The following BANK1 variants were observed in gnomAD, a reference collection of about 807,000 sequenced individuals.
BANK1 encodes the protein B-cell scaffold protein with ankyrin repeats.
A neutral mutation model predicts 94.5 loss-of-function variants in BANK1; 95 were observed. That is an observed-to-expected ratio of 1.00 (90% CI 0.85 to 1.19). The LOEUF is 1.19. BANK1 is among the 50% of genes most tolerant of loss of function. The pLI, the probability that BANK1 is intolerant of heterozygous loss-of-function variation, is 0.00. For missense variants in BANK1, 987 were observed against 932.2 expected (o/e 1.06, Z -0.77); for synonymous variants, 334 against 308.4 (o/e 1.08, Z -0.87).
Position 101,852,470 on chromosome 4 carries a change from CTATATATATATATATA to C in BANK1, c.470-2546_470-2531del, listed in dbSNP as rs541955636. ...GAAAGAACCACTCAATATTTTTCGG[CTATATATATATATATA>C]TATATATATATATATATACACACAC... On this transcript the variant is annotated intron_variant, in intron 2 of 16. Coordinates refer to ENST00000322953, the MANE Select transcript of BANK1 (RefSeq NM_017935.5). Among the ~76,000 whole-genome samples the C allele has an allele frequency of 1.3e-4, 14 of 103,768 alleles. No homozygotes were observed. In the South Asian group the frequency reaches 1.4e-3, roughly 10 times the overall value. 68.1% of individuals were successfully genotyped at this position (103,768 alleles called of 152,430 possible).
rs774397564 is a variant in BANK1 at position 101,808,082 on chromosome 4, C to CA, written c.70+17146dup. 4.9e-3 allele frequency among the ~76,000 whole-genome samples: 364 copies of CA among 74,706 alleles called. 3 individuals are homozygous for CA. The highest frequency in any genetic ancestry group is 0.015 in the Middle Eastern group (2 of 134). The allele number at this position is 74,706 out of a possible 152,430, so 49.0% of individuals were successfully genotyped here. On this transcript the variant is annotated intron_variant, in intron 1 of 16. Transcript: ENST00000322953. ...AGCCGGGGTGACAGAGCAAGACTCTCAAAAAAAAAAAAAAGAAATGAAATT... is the reference window on the plus strand; with the variant it reads ...AGCCGGGGTGACAGAGCAAGACTCTCAAAAAAAAAAAAAAAGAAATGAAATT...
chr4:101,859,124 C>A (rs1560604912), intron 3 of BANK1, among the ~76,000 whole-genome samples: 1 of 152,188 alleles, frequency 6.6e-6, no homozygotes, highest in Non-Finnish European at 1.5e-5. Flanking sequence ...TCCTTGGTAA[C>A]CAACCTTAAC....
chr4:101,798,011 A>C (rs1725217745), intron 1 of BANK1, among the ~76,000 whole-genome samples: 1 of 152,192 alleles, frequency 6.6e-6, no homozygotes, highest in Non-Finnish European at 1.5e-5. Flanking sequence ...GGCTAAAAAG[A>C]AGGAAAACGA....
chr4:101,813,415 G>A (rs1420019543), intron 1 of BANK1, among the ~76,000 whole-genome samples: 2 of 152,068 alleles, frequency 1.3e-5, no homozygotes, highest in East Asian at 1.9e-4. Flanking sequence ...AATTGTGACT[G>A]TAATCATCTA....
At chr4:101,948,127 G>GT (rs1440551753) in intron 7 of BANK1, among the ~76,000 whole-genome samples, 2 of 152,008 alleles carry the variant, frequency 1.3e-5, no homozygotes, top group Non-Finnish European at 2.9e-5. Flanking sequence ...AGTGTACTTG[G>GT]TTTTTAAGAA....
intron 7 of BANK1, among the ~76,000 whole-genome samples, chr4:101,933,299 C>A (rs147289205): frequency 1.4e-4 from 19 of 131,666 alleles, no homozygotes; most frequent in Middle Eastern, 3.8e-3. Flanking sequence ...CCAGAGAGAC[C>A]GGTAAGAAAG....
At chr4:101,929,041 C>T (rs892136058) in intron 7 of BANK1, among the ~76,000 whole-genome samples, 1 of 151,690 alleles carries the variant, frequency 6.6e-6, no homozygotes, top group Non-Finnish European at 1.5e-5. Context: ...ACTTTATGGT[C>T]TCACTTCTTG....
intron 6 of BANK1, among the ~76,000 whole-genome samples, chr4:101,908,649 T>C (rs541146181): frequency 6.6e-6 from 1 of 152,210 alleles, no homozygotes; most frequent in South Asian, 2.1e-4. Flanking sequence ...ATTTTTGCAA[T>C]CTACTCATCT....
intron 6 of BANK1, among the ~76,000 whole-genome samples, chr4:101,902,021 A>G (rs926656017): frequency 1.1e-4 from 16 of 152,090 alleles, no homozygotes; most frequent in Non-Finnish European, 1.5e-5. Context: ...CGGCCTCCCA[A>G]AGTTCTGGGA....
At chr4:101,829,264 T>C (rs1691398306) in intron 1 of BANK1, among the ~76,000 whole-genome samples, 1 of 152,174 alleles carries the variant, frequency 6.6e-6, no homozygotes, top group Admixed American at 6.5e-5. Context: ...TTAAAAATTA[T>C]TAAAAATTAC....
At chr4:101,862,330 A>C (rs1727909451) in intron 3 of BANK1, among the ~76,000 whole-genome samples, 196 bp from the exon 4 acceptor site, 1 of 152,156 alleles carries the variant, frequency 6.6e-6, no homozygotes, top group African/African-American at 2.4e-5. Context: ...TACAATAAAA[A>C]GAAATTTGAT....
At chr4:101,951,074 A>G (rs1724131519) in intron 7 of BANK1, among the ~76,000 whole-genome samples, 1 of 152,118 alleles carries the variant, frequency 6.6e-6, no homozygotes, top group South Asian at 2.1e-4. Flanking sequence ...TTAGGTAAAA[A>G]CTAAGGAAAT....
chr4:101,900,131 A>T (rs1041229932), intron 6 of BANK1, among the ~76,000 whole-genome samples: 1 of 152,222 alleles, frequency 6.6e-6, no homozygotes, highest in African/African-American at 2.4e-5. Flanking sequence ...GTGAAAGATT[A>T]TTAAGCAATC....
intron 1 of BANK1, among the ~76,000 whole-genome samples, chr4:101,813,589 G>A (rs929707437): frequency 3.3e-5 from 5 of 152,146 alleles, no homozygotes; most frequent in Non-Finnish European, 7.3e-5. Flanking sequence ...GGTTCTGATG[G>A]GTGTGCGTCC....
chr4:101,794,968 T>A (rs1725104732), intron 1 of BANK1, among the ~76,000 whole-genome samples: 1 of 152,150 alleles, frequency 6.6e-6, no homozygotes, highest in Non-Finnish European at 1.5e-5. Context: ...TTAATTCCCA[T>A]TGCCTTGTTT....
At chr4:101,869,411 T>C (rs1728197758) in intron 4 of BANK1, among the ~76,000 whole-genome samples, 1 of 151,886 alleles carries the variant, frequency 6.6e-6, no homozygotes, top group Non-Finnish European at 1.5e-5. Context: ...GATGGATACT[T>C]CTTTGGGAAG....
intron 1 of BANK1, among the ~76,000 whole-genome samples, chr4:101,797,206 C>T (rs1453890297): frequency 6.6e-6 from 1 of 152,058 alleles, no homozygotes; most frequent in Non-Finnish European, 1.5e-5. Context: ...TAATAAAGTT[C>T]AGATGTGATC....
intron 7 of BANK1, among the ~76,000 whole-genome samples, chr4:101,978,665 G>A (rs1203865456): frequency 1.3e-5 from 2 of 151,854 alleles, no homozygotes; most frequent in East Asian, 1.9e-4. Flanking sequence ...GTGACCGACC[G>A]TAATTTGTCA....
chr4:101,936,344 T>C (rs1723548502), intron 7 of BANK1, among the ~76,000 whole-genome samples: 1 of 144,506 alleles, frequency 6.9e-6, no homozygotes. Context: ...TATATGTACA[T>C]ATACATGTAT....
Sources: allele counts gnomAD v4.1 joint callset (sites outside exome capture counted in the v4.1 genomes callset), GRCh38; gene constraint gnomAD v4.1.1; transcripts MANE v1.5; gene names NCBI Gene and HGNC (gene_info 2026-07-23, HGNC 2026-07-21).